The following SLC2A9 variants were observed in gnomAD, a reference collection of about 807,000 sequenced individuals.
SLC2A9 encodes the protein solute carrier family 2, facilitated glucose transporter member 9.
In SLC2A9, 39 loss-of-function variants were observed where a neutral mutation model predicts 50.6. The observed-to-expected ratio is 0.77, with a 90% CI of 0.60 to 1.01. The LOEUF is 1.01. Ranked by LOEUF, SLC2A9 falls within the 50% of genes least tolerant of loss-of-function variation. The pLI, the probability that SLC2A9 is intolerant of heterozygous loss-of-function variation, is 0.00. For missense variants in SLC2A9, 686 were observed against 677.6 expected, an observed-to-expected ratio of 1.01 and a Z score of -0.14; for synonymous variants, 324 against 276.9, an observed-to-expected ratio of 1.17 and a Z score of -1.69.
At chr4:9,835,874 G>A (rs1726985731) in intron 10 of SLC2A9, among the ~76,000 whole-genome samples, 1 of 152,042 alleles carries the variant, frequency 6.6e-6, no homozygotes, top group African/African-American at 2.4e-5. Context: ...ATTACATGAG[G>A]TCAGGAGTTT....
At chr4:9,856,714 A>G (rs550934431) in intron 10 of SLC2A9, among the ~76,000 whole-genome samples, 1 of 152,370 alleles carries the variant, frequency 6.6e-6, no homozygotes, top group Non-Finnish European at 1.5e-5. Flanking sequence ...GAGTCAACAT[A>G]AATGCCCATT....
chr4:9,995,396 G>T (rs1473956174), intron 3 of SLC2A9, among the ~76,000 whole-genome samples: 4 of 152,190 alleles, frequency 2.6e-5, no homozygotes, highest in Non-Finnish European at 5.9e-5. Context: ...TTTCAGGGTG[G>T]CTTCCTGTCC....
chr4:10,020,598 A>G (rs553627131), intron 1 of SLC2A9, among the ~76,000 whole-genome samples: 44 of 152,254 alleles, frequency 2.9e-4, no homozygotes, highest in Non-Finnish European at 5.0e-4. Flanking sequence ...TTCAGATGAA[A>G]CGCCTGTTCT....
chr4:9,787,013 C>T (rs954046325), intron 3 of SLC2A9, among the ~76,000 whole-genome samples: 1 of 152,214 alleles, frequency 6.6e-6, no homozygotes, highest in African/African-American at 2.4e-5. Flanking sequence ...CACAAGGCTA[C>T]CTGCCTGAGA....
chr4:9,879,374 A>T (rs538534745), intron 10 of SLC2A9: 1 of 976,212 alleles, frequency 1.0e-6, no homozygotes, highest in Non-Finnish European at 1.2e-6. Context: ...GTGTGTATTT[A>T]TGTGTGTATG....
intron 7 of SLC2A9, among the ~76,000 whole-genome samples, chr4:9,916,844 A>C (rs1742933337): frequency 6.6e-6 from 1 of 152,346 alleles, no homozygotes; most frequent in Admixed American, 6.5e-5. Flanking sequence ...TTTTCAGCCC[A>C]AGAACTCCCT....
downstream of SLC2A9, among the ~76,000 whole-genome samples, chr4:9,796,554 G>A (rs1560125164): frequency 6.6e-6 from 1 of 152,210 alleles, no homozygotes; most frequent in Non-Finnish European, 1.5e-5. Flanking sequence ...TGTGTTGTTA[G>A]TACTCAATTA....
chr4:9,851,901 C>T (rs1368630966), intron 10 of SLC2A9, among the ~76,000 whole-genome samples: 1 of 152,184 alleles, frequency 6.6e-6, no homozygotes, highest in Non-Finnish European at 1.5e-5. Flanking sequence ...TGAACAAAAT[C>T]TCTGAGCAAT....
intron 10 of SLC2A9, among the ~76,000 whole-genome samples, chr4:9,857,311 T>C (rs1205718905): frequency 6.6e-6 from 1 of 152,150 alleles, no homozygotes; most frequent in Non-Finnish European, 1.5e-5. Context: ...CAAAAAGTAC[T>C]GAGTTCCTGC....
At chr4:10,035,247 G>C (rs1013734126) in intron 1 of SLC2A9, 1 of 152,170 alleles carries the variant, frequency 6.6e-6, no homozygotes, top group Non-Finnish European at 1.5e-5. Flanking sequence ...CCTGGTCTTT[G>C]TACCATTGGG....
At chr4:10,026,091 G>C (rs114858956), upstream of SLC2A9, 2 of 969,160 alleles carry the variant, frequency 2.1e-6, no homozygotes, top group Non-Finnish European at 3.3e-6. Context: ...AGCAGTCTTC[G>C]AAAGGTTTGC....
intron 8 of SLC2A9, among the ~76,000 whole-genome samples, chr4:9,898,965 T>C (rs1739092313): frequency 6.6e-6 from 1 of 152,028 alleles, no homozygotes; most frequent in Admixed American, 6.6e-5. Flanking sequence ...TTAAACATGA[T>C]GCATGACACA....
intron 6 of SLC2A9, among the ~76,000 whole-genome samples, chr4:9,921,492 C>T (rs542092817): frequency 6.6e-6 from 1 of 152,190 alleles, no homozygotes; most frequent in South Asian, 2.1e-4. Flanking sequence ...CTGGCTCCTG[C>T]GGACAGTCCA....
intron 8 of SLC2A9, among the ~76,000 whole-genome samples, chr4:9,891,298 C>A (rs1737374150): frequency 6.6e-6 from 1 of 152,206 alleles, no homozygotes; most frequent in African/African-American, 2.4e-5. Context: ...ATCTGGCTGG[C>A]CCCTGTGCCC....
At chr4:9,793,046 G>T (rs992155906) in intron 3 of SLC2A9, among the ~76,000 whole-genome samples, 4 of 152,098 alleles carry the variant, frequency 2.6e-5, no homozygotes, top group African/African-American at 9.7e-5. Flanking sequence ...AGCTAATTTT[G>T]TATTTTTAGT....
intron 5 of SLC2A9, among the ~76,000 whole-genome samples, chr4:9,953,835 G>A (rs958737641): frequency 6.6e-6 from 1 of 152,054 alleles, no homozygotes; most frequent in Non-Finnish European, 1.5e-5. Context: ...TTGAGATGGA[G>A]TTTTGCTTTT....
At chr4:9,870,747 T>C (rs191617469) in intron 10 of SLC2A9, among the ~76,000 whole-genome samples, 8 of 152,276 alleles carry the variant, frequency 5.3e-5, no homozygotes, top group African/African-American at 1.7e-4. Flanking sequence ...CAGGCATGCG[T>C]TCAAATCCTG....
intron 3 of SLC2A9, among the ~76,000 whole-genome samples, chr4:9,991,058 A>T (rs1272778216): frequency 6.6e-6 from 1 of 152,172 alleles, no homozygotes; most frequent in Non-Finnish European, 1.5e-5. Context: ...CGAGTGACAG[A>T]TGAGTGGTAG....
At chr4:10,018,943 G>T (rs970131444) in intron 2 of SLC2A9, 32 bp downstream of exon 2, 13 of 1,544,004 alleles carry the variant, frequency 8.4e-6, no homozygotes, top group Non-Finnish European at 1.1e-5. Context: ...CAGGGCCGCA[G>T]CGCCCTCTGC....
Sources: gnomAD v4.1 joint callset for allele counts (sites outside exome capture counted in the v4.1 genomes callset) on GRCh38, gnomAD v4.1.1 for gene constraint, MANE v1.5 for transcripts, NCBI Gene and HGNC (gene_info 2026-07-23, HGNC 2026-07-21) for gene names.